TM2D1: variants seen among roughly 807,000 people sequenced by gnomAD.
The protein encoded by TM2D1 is TM2 domain-containing protein 1.
TM2D1 carries 15 observed loss-of-function variants against 28.4 expected under a neutral mutation model. The ratio of observed to expected loss-of-function variants is 0.53; its 90% CI spans 0.35 to 0.81. TM2D1 has a LOEUF of 0.81. TM2D1 is among the 40% of genes least tolerant of loss of function. The pLI is 0.01. For synonymous variants in TM2D1, 93 were observed against 96.2 expected (o/e 0.97, Z 0.20); for missense variants, 236 against 254.9 (o/e 0.93, Z 0.50).
intron 2 of TM2D1, among the ~76,000 whole-genome samples, chr1:61,716,400 TATA>T (rs1644520179): frequency 1.4e-5 from 2 of 145,756 alleles, no homozygotes; most frequent in Non-Finnish European, 3.0e-5. Flanking sequence ...TAATTACATA[TATA>T]ATTTTATATA....
At chr1:61,716,917 G>A (rs1336585538) in intron 2 of TM2D1, among the ~76,000 whole-genome samples, 1 of 151,992 alleles carries the variant, frequency 6.6e-6, no homozygotes, top group Admixed American at 6.6e-5. Flanking sequence ...TGACTAAAAA[G>A]CAAATAATAC....
At chr1:61,708,479 C>T (rs1380777006) in intron 3 of TM2D1, among the ~76,000 whole-genome samples, 1 of 152,204 alleles carries the variant, frequency 6.6e-6, no homozygotes, top group Non-Finnish European at 1.5e-5. Context: ...TAAACGTGAA[C>T]TTCCGGGCTC....
At chr1:61,718,536 G>A (rs74076148) in intron 2 of TM2D1, among the ~76,000 whole-genome samples, 2,920 of 152,200 alleles carry the variant, frequency 0.019, 107 homozygotes, top group African/African-American at 0.064. Flanking sequence ...GGGTGGTAGG[G>A]GGATATCTGC....
chr1:61,686,248 G>C (rs1644284766), intron 5 of TM2D1, among the ~76,000 whole-genome samples: 1 of 152,084 alleles, frequency 6.6e-6, no homozygotes, highest in Non-Finnish European at 1.5e-5. Context: ...CCACTACAAA[G>C]TATCATCAAC....
chr1:61,713,256 T>C (rs559052601), intron 2 of TM2D1, among the ~76,000 whole-genome samples: 6 of 151,630 alleles, frequency 4.0e-5, no homozygotes, highest in Non-Finnish European at 7.4e-5. Flanking sequence ...GGCAGGTGAA[T>C]TGCTTGCAGC....
intron 1 of TM2D1, among the ~76,000 whole-genome samples, chr1:61,724,577 C>T (rs1644591307): frequency 1.3e-5 from 2 of 152,152 alleles, no homozygotes; most frequent in Admixed American, 1.3e-4. Context: ...TGTCTTCCCC[C>T]TAGGAAGAGT....
intron 4 of TM2D1, among the ~76,000 whole-genome samples, 198 bp from the exon 5 acceptor site, chr1:61,694,968 A>T (rs953978291): frequency 6.6e-6 from 1 of 152,078 alleles, no homozygotes; most frequent in Non-Finnish European, 1.5e-5. Context: ...AGAAATGCCA[A>T]AAAATAATTT....
chr1:61,698,645 G>A (rs1463727154), intron 4 of TM2D1: 1 of 149,234 alleles, frequency 6.7e-6, no homozygotes, highest in African/African-American at 2.5e-5. Context: ...TTTATAATTA[G>A]CACTATGAAG....
chr1:61,697,706 C>T (rs1466775505), intron 4 of TM2D1: 1 of 152,146 alleles, frequency 6.6e-6, no homozygotes, highest in Non-Finnish European at 1.5e-5. Flanking sequence ...TTTCCTCATG[C>T]CCCTTTGTAA....
intron 5 of TM2D1, among the ~76,000 whole-genome samples, chr1:61,688,871 G>A (rs182081748): frequency 1.4e-5 from 2 of 142,682 alleles, no homozygotes; most frequent in South Asian, 2.3e-4. Context: ...ATGGTGAAAC[G>A]CCATCTCTAC....
Position 61,713,251 on chromosome 1 carries a change from G to A in TM2D1, c.239-3814C>T, listed in dbSNP as rs540656639. Among the ~76,000 whole-genome samples the A allele has an allele frequency of 3.3e-5, 5 of 152,162 alleles. 1 individual carries two copies. In the South Asian group the frequency reaches 1.0e-3, roughly 32 times the overall value. On this transcript the variant is annotated intron_variant, in intron 2 of 6. Coordinates refer to ENST00000606498, the MANE Select transcript of TM2D1 (RefSeq NM_032027.3). Reference sequence around the variant, plus strand: ...CCAGCACTTTGGGAGGCCGAGGCAGGTGAATTGCTTGCAGCCAGGAGTTCA... The same window carrying A: ...CCAGCACTTTGGGAGGCCGAGGCAGATGAATTGCTTGCAGCCAGGAGTTCA...
intron 3 of TM2D1, among the ~76,000 whole-genome samples, chr1:61,702,841 C>A (rs2148050370): frequency 6.6e-6 from 1 of 151,762 alleles, no homozygotes; most frequent in African/African-American, 2.4e-5. Context: ...TGTGGTAGCT[C>A]ACGCCTGTAA....
chr1:61,689,214 T>C (rs545708950), intron 5 of TM2D1, among the ~76,000 whole-genome samples: 8 of 152,282 alleles, frequency 5.3e-5, no homozygotes, highest in African/African-American at 1.4e-4. Context: ...CTGGCTCACA[T>C]AGACGTGATT....
intron 5 of TM2D1, chr1:61,686,710 T>A (rs533001293): frequency 2.9e-6 from 2 of 696,684 alleles, no homozygotes; most frequent in South Asian, 6.4e-5. Flanking sequence ...AGCACCCACA[T>A]ACACATATAT....
At chr1:61,695,849 TCAAAA>T (rs1184593524) in intron 4 of TM2D1, among the ~76,000 whole-genome samples, 1 of 152,224 alleles carries the variant, frequency 6.6e-6, no homozygotes, top group African/African-American at 2.4e-5. Flanking sequence ...TTAGTTTTCC[TCAAAA>T]CATTCACTTA....
At chr1:61,707,353 A>G (rs1644448648) in intron 3 of TM2D1, among the ~76,000 whole-genome samples, 1 of 152,218 alleles carries the variant, frequency 6.6e-6, no homozygotes, top group Non-Finnish European at 1.5e-5. Flanking sequence ...AATCAGCATT[A>G]ACTTGGAAAT....
At chr1:61,713,631 A>G (rs977972280) in intron 2 of TM2D1, among the ~76,000 whole-genome samples, 4 of 152,062 alleles carry the variant, frequency 2.6e-5, no homozygotes, top group Non-Finnish European at 5.9e-5. Flanking sequence ...GTATTACTAG[A>G]TTGTAGATCA....
intron 4 of TM2D1, among the ~76,000 whole-genome samples, chr1:61,695,305 T>C (rs1203571230): frequency 6.6e-6 from 1 of 152,184 alleles, no homozygotes; most frequent in African/African-American, 2.4e-5. Context: ...AAGGATCACC[T>C]GTTTATTAGC....
At chr1:61,723,565 T>C (rs1385548115) in intron 2 of TM2D1, 148 bp downstream of exon 2, 1 of 441,452 alleles carries the variant, frequency 2.3e-6, no homozygotes, top group East Asian at 3.3e-5. Context: ...TCTAGGTAGT[T>C]CTCCAGTTTT....
Sources: gnomAD v4.1 joint callset for allele counts (sites outside exome capture counted in the v4.1 genomes callset) on GRCh38, gnomAD v4.1.1 for gene constraint, MANE v1.5 for transcripts, NCBI Gene and HGNC (gene_info 2026-07-23, HGNC 2026-07-21) for gene names.